Variants in AP4B1 observed in about 807,000 individuals in gnomAD.
AP4B1 encodes AP-4 complex subunit beta-1.
In AP4B1, 49 loss-of-function variants were observed where a neutral mutation model predicts 76.5. That is an observed-to-expected ratio of 0.64 (90% CI 0.51 to 0.81). The LOEUF (loss-of-function observed/expected upper bound fraction) is 0.81, where lower values mean the gene tolerates loss of function less well. Among genes scored for constraint, AP4B1 ranks in the 40% least tolerant of loss-of-function variants. The pLI is 0.00. For missense variants in AP4B1, 911 were observed against 904.9 expected (o/e 1.01, Z -0.09); for synonymous variants, 330 against 333.3 (o/e 0.99, Z 0.11).
In AP4B1 at chr1:113,900,033, T is replaced by A. The variant is rs2101024933; in HGVS notation, c.985A>T (p.Lys329Ter). ...FCSYSEPHYI[K>*]LQKVEVLCEL... ...CACAGCACCTCCACTTTCTGTAGTT[T>A]GATGTAGTGGGGCTCCGAGTAGGAG... Residue 329 changes from lysine (K) to a stop codon, truncating the protein, a stop_gained, in exon 5 of 10, where the codon AAA (lysine) becomes TAA (stop). Coordinates refer to ENST00000369569, the MANE Select transcript of AP4B1 (RefSeq NM_001253852.3). LOFTEE classifies it high-confidence loss of function. The A allele has an allele frequency of 6.2e-7, 1 of 1,614,204 alleles. No homozygotes were observed. The highest frequency in any genetic ancestry group is 1.7e-5 in the Admixed American group (1 of 60,024).
chr1:113,896,429 C>T lies in AP4B1; in HGVS notation c.1339G>A (p.Gly447Arg), dbSNP rs1667475180. 6.2e-7 allele frequency: 1 copy of T among 1,614,080 alleles called. No homozygotes were observed. The highest frequency in any genetic ancestry group is 1.7e-5 in the Admixed American group (1 of 60,004). Reference sequence around the variant, plus strand: ...TAAGGAGCATTAGGAATTCTTTCCCCATGGACACCAAGTAGCCAAATAAGT... The same window carrying T: ...TAAGGAGCATTAGGAATTCTTTCCCTATGGACACCAAGTAGCCAAATAAGT... ...QALIWLLGVH[G>R]ERIPNAPYVL... Residue 447 changes from glycine (G) to arginine (R), a missense_variant, in exon 8 of 10, where the codon GGG becomes AGG. By Grantham distance (125) the Gly-to-Arg change is moderately radical. Coordinates refer to ENST00000369569, the MANE Select transcript of AP4B1 (RefSeq NM_001253852.3).
intron 7 of AP4B1, 122 bp downstream of exon 7, chr1:113,897,718 C>CA: frequency 5.0e-6 from 5 of 991,006 alleles, no homozygotes; most frequent in Non-Finnish European, 7.8e-6. Context: ...TCTAAGGTGG[C>CA]AATCAATTCG....
Position 113,900,413 on chromosome 1 carries a change from C to T in AP4B1, c.618-13G>A, listed in dbSNP as rs3789613. ...CAGTTTTGACATTCTATCCAAAAAA[C>T]AAAACAAAAGAGCTATTTTAGCAAC... On this transcript the variant is annotated splice_polypyrimidine_tract_variant and intron_variant, in intron 4 of 9. Transcript: ENST00000369569. 6.2e-7 allele frequency: 1 copy of T among 1,612,390 alleles called. No individual in the cohort carries two copies. The highest frequency in any genetic ancestry group is 1.7e-5 in the Admixed American group (1 of 59,394).
rs1407313317 is a variant in AP4B1, at chr1:113,895,775, A to C, written c.1774T>G (p.Ser592Ala). Residue 592 changes from serine (S) to alanine (A), a missense_variant, in exon 9 of 10, where the codon TCA becomes GCA. Physicochemically the swap from Ser to Ala is moderately conservative, Grantham distance 99 (BLOSUM62 1). Coordinates refer to ENST00000369569, the MANE Select transcript of AP4B1 (RefSeq NM_001253852.3). ...ERCDPELPKTSSFAASGPLIP... is the reference protein window; with the variant it reads ...ERCDPELPKTASFAASGPLIP... ...TTTTTACCTGATGCGGCAAAGGATGAAGTTTTAGGAAGCTCTGGGTCACAA... is the reference window on the plus strand; with the variant it reads ...TTTTTACCTGATGCGGCAAAGGATGCAGTTTTAGGAAGCTCTGGGTCACAA... 8.7e-6 allele frequency: 14 copies of C among 1,614,110 alleles called. No homozygotes were observed. Among genetic ancestry groups the C allele is most frequent in the Admixed American group, 6.7e-5 (4 of 60,004 alleles).
In AP4B1 at chr1:113,904,764, G is replaced by A. The variant is rs372091501; in HGVS notation, c.-47C>T. The A allele has an allele frequency of 2.0e-6, 3 of 1,511,994 alleles. No individual in the cohort carries two copies. Among genetic ancestry groups the A allele is most frequent in the Non-Finnish European group, 1.8e-6 (2 of 1,088,734 alleles). 93.7% of individuals were successfully genotyped at this position (1,511,994 alleles called of 1,614,324 possible). ...GCTCCCACAGCTCCCACGGTAACTC[G>A]AGGGCTCCTTCTCGTCCTGATGTGG... On this transcript the variant is annotated 5_prime_UTR_variant, in exon 1 of 10. Transcript: ENST00000369569.
At chr1:113,899,712 T>A in intron 5 of AP4B1, 192 bp downstream of exon 5, 1 of 843,712 alleles carries the variant, frequency 1.2e-6, no homozygotes, top group East Asian at 2.5e-5. Context: ...ACACCAATCT[T>A]GACCAAAAAA....
chr1:113,899,409 A>G, intron 5 of AP4B1: 5 of 945,082 alleles, frequency 5.3e-6, no homozygotes, highest in Non-Finnish European at 6.4e-6. Flanking sequence ...TACATAGCCC[A>G]TAGCAGAAGC....
At chr1:113,899,275 A>C in intron 5 of AP4B1, 1 of 1,018,106 alleles carries the variant, frequency 9.8e-7, no homozygotes. Context: ...AAATCCTTCA[A>C]AACTTGGCTC....
Position 113,895,264 on chromosome 1 carries a change from G to A in AP4B1, c.2021C>T (p.Ala674Val). The change falls in exon 10 of 10, where the codon GCT (alanine) becomes GTT (valine). Residue 674 changes from alanine to valine, a missense_variant. Ala to Val is a moderately conservative substitution (Grantham distance 64, BLOSUM62 0). Coordinates refer to ENST00000369569, the MANE Select transcript of AP4B1 (RefSeq NM_001253852.3). ...VNIQTIAMSR[A>V]GSRPWKAYLS... is the part of the protein sequence containing the mutation. Reference sequence around the variant, plus strand: ...GTATGCTTTCCATGGCCGAGACCCAGCCCTACTCATTGCGATGGTCTGGAT... The same window carrying A: ...GTATGCTTTCCATGGCCGAGACCCAACCCTACTCATTGCGATGGTCTGGAT... 1 of 1,614,196 alleles carries A rather than the reference G, an allele frequency of 6.2e-7. No homozygotes were observed. Among genetic ancestry groups the A allele is most frequent in the Non-Finnish European group, 8.5e-7 (1 of 1,180,042 alleles).
intron 6 of AP4B1, 55 bp from the exon 7 acceptor site, chr1:113,897,998 G>A (rs1217609455): frequency 6.2e-7 from 1 of 1,611,932 alleles, no homozygotes; most frequent in African/African-American, 1.3e-5. Context: ...AGGTAGGCAG[G>A]AATCTTAAGA....
chr1:113,901,523 A>C, intron 3 of AP4B1, 140 bp from the exon 4 acceptor site: 1 of 1,026,130 alleles, frequency 9.7e-7, no homozygotes, highest in Non-Finnish European at 1.4e-6. Context: ...AGTGCAAGGC[A>C]AAAAAAAAAC....
At position 113,894,723 on chromosome 1, in the gene AP4B1, C is replaced by A; in HGVS notation, c.*342G>T. ...AATAATCCAGGGAAGAAAAGATGAC[C>A]CCCACAAATGATGACCCCTATCAGT... is the stretch of plus-strand genomic sequence containing the variant. On this transcript the variant is annotated 3_prime_UTR_variant, in exon 10 of 10. Coordinates refer to ENST00000369569, the MANE Select transcript of AP4B1 (RefSeq NM_001253852.3). The A allele has an allele frequency of 7.5e-6, 2 of 265,602 alleles. No homozygotes were observed. Among genetic ancestry groups the A allele is most frequent in the South Asian group, 4.4e-5 (1 of 22,722 alleles). 16.5% of individuals were successfully genotyped at this position (265,602 alleles called of 1,614,324 possible).
Position 113,895,828 on chromosome 1 carries a change from GTTGCCCAGTGGGCT to G in AP4B1, c.1707_1720del (p.Lys569AsnfsTer4). The G allele has an allele frequency of 6.2e-7, 1 of 1,614,242 alleles. No individual in the cohort carries two copies. The highest frequency in any genetic ancestry group is 8.5e-7 in the Non-Finnish European group (1 of 1,180,042). On this transcript the variant is annotated frameshift_variant, in exon 9 of 10. Transcript: ENST00000369569. LOFTEE classifies it high-confidence loss of function. ...CTCTGCCCCCTGGCATTTAGAGATA[GTTGCCCAGTGGGCT>G]TTGCCATACACTGGCACCAGTGTGT... is the stretch of plus-strand genomic sequence containing the variant.
intron 4 of AP4B1, 27 bp from the exon 5 acceptor site, chr1:113,900,427 TA>T (rs1466145486): frequency 6.2e-7 from 1 of 1,612,864 alleles, no homozygotes; most frequent in Admixed American, 1.7e-5. Context: ...ACAAAAGAGC[TA>T]TTTTAGCAAC....
At chr1:113,896,886 G>A (rs1667541150) in intron 7 of AP4B1, 2 of 226,316 alleles carry the variant, frequency 8.8e-6, no homozygotes. Context: ...GCTTACGTCT[G>A]TAATCCCAGC....
chr1:113,902,529 T>C (rs1478115672), intron 2 of AP4B1, 109 bp downstream of exon 2: 25 of 1,112,422 alleles, frequency 2.2e-5, no homozygotes, highest in Middle Eastern at 2.8e-4. Flanking sequence ...TACAATAATG[T>C]TTTCCCCAGT....
At chr1:113,896,226 T>C in intron 8 of AP4B1, 32 bp downstream of exon 8, 2 of 1,612,500 alleles carry the variant, frequency 1.2e-6, no homozygotes, top group Non-Finnish European at 1.7e-6. Flanking sequence ...CTATGGGTCA[T>C]GGCAAATACT....
Position 113,904,507 on chromosome 1 carries a change from G to A in AP4B1, c.113+98C>T, listed in dbSNP as rs1398423753. On this transcript the variant is annotated intron_variant, in intron 1 of 9. Coordinates refer to ENST00000369569, the MANE Select transcript of AP4B1 (RefSeq NM_001253852.3). ...AGACCGAACCATATAACTGCCACGTGTGAAAGCTAATTCACCCTTTCAGAG... is the reference window on the plus strand; with the variant it reads ...AGACCGAACCATATAACTGCCACGTATGAAAGCTAATTCACCCTTTCAGAG... The A allele has an allele frequency of 5.3e-6, 6 of 1,142,454 alleles. No individual in the cohort carries two copies. The East Asian group carries it at 1.2e-4, about 22-fold the overall frequency. The allele number at this position is 1,142,454 out of a possible 1,614,324, so 70.8% of individuals were successfully genotyped here.
At position 113,895,284 on chromosome 1, in the gene AP4B1, C is replaced by G; in HGVS notation, c.2001G>C (p.Gln667His). Residue 667 changes from glutamine (Q) to histidine (H), a missense_variant, in exon 10 of 10, where the codon CAG becomes CAC. Gln to His is a conservative substitution (Grantham distance 24). Coordinates refer to ENST00000369569, the MANE Select transcript of AP4B1 (RefSeq NM_001253852.3). Reference protein sequence around the residue: ...LQMALQVVNIQTIAMSRAGSR... With the variant: ...LQMALQVVNIHTIAMSRAGSR... ...ACCCAGCCCTACTCATTGCGATGGT[C>G]TGGATGTTCACTACTTGAAGAGCCA... 1 of 1,614,198 alleles carries G rather than the reference C, an allele frequency of 6.2e-7. No individual in the cohort carries two copies. Among genetic ancestry groups the G allele is most frequent in the Non-Finnish European group, 8.5e-7 (1 of 1,180,034 alleles).
Sources: gnomAD v4.1 joint callset for allele counts on GRCh38, gnomAD v4.1.1 for gene constraint, MANE v1.5 for transcripts, NCBI Gene and HGNC (gene_info 2026-07-23, HGNC 2026-07-21) for gene names.